RNF13: variants seen among roughly 807,000 people sequenced by gnomAD.
The protein encoded by RNF13 is ring finger protein 13.
RNF13 carries 19 observed loss-of-function variants against 37.7 expected under a neutral mutation model. That is an observed-to-expected ratio of 0.50 (90% CI 0.35 to 0.74). RNF13 has a LOEUF of 0.74. Ranked by LOEUF, RNF13 falls within the 30% of genes least tolerant of loss-of-function variation. The probability of loss-of-function intolerance (pLI) is 0.01; values close to 1 mark genes in which losing one functional copy is unlikely to be tolerated. For missense variants in RNF13, 375 were observed against 453.0 expected (o/e 0.83, Z 1.56); for synonymous variants, 144 against 157.8 (o/e 0.91, Z 0.65).
chr3:149,853,306 C>T (rs1480362916), intron 3 of RNF13, among the ~76,000 whole-genome samples: 3 of 152,006 alleles, frequency 2.0e-5, no homozygotes, highest in East Asian at 1.9e-4. Context: ...AAGTTTGGAA[C>T]GATTTAGAAT....
intron 3 of RNF13, among the ~76,000 whole-genome samples, chr3:149,852,981 G>T (rs2108391880): frequency 6.6e-6 from 1 of 151,570 alleles, no homozygotes; most frequent in Admixed American, 6.6e-5. Context: ...CATGCTATTT[G>T]GTTACCTGCC....
chr3:149,822,561 A>C (rs1299399077), intron 1 of RNF13: 3 of 152,158 alleles, frequency 2.0e-5, no homozygotes, highest in Non-Finnish European at 4.4e-5. Flanking sequence ...TGGAACACTA[A>C]AGAACTTGAT....
At chr3:149,922,166 G>T (rs1718198108) in intron 8 of RNF13, among the ~76,000 whole-genome samples, 1 of 152,108 alleles carries the variant, frequency 6.6e-6, no homozygotes, top group Non-Finnish European at 1.5e-5. Flanking sequence ...TAGAGACGGG[G>T]TTTCACCATC....
At chr3:149,849,635 G>A (rs1219308590) in intron 2 of RNF13, among the ~76,000 whole-genome samples, 1 of 152,166 alleles carries the variant, frequency 6.6e-6, no homozygotes, top group African/African-American at 2.4e-5. Context: ...GACTGCCTCG[G>A]TTAGAATCCT....
At chr3:149,933,118 C>G (rs1174160249) in intron 8 of RNF13, among the ~76,000 whole-genome samples, 1 of 151,840 alleles carries the variant, frequency 6.6e-6, no homozygotes, top group Non-Finnish European at 1.5e-5. Context: ...ACCAGGGGCC[C>G]TTTTGAGCTG....
intron 1 of RNF13, among the ~76,000 whole-genome samples, chr3:149,820,570 A>G (rs891567981): frequency 6.6e-6 from 1 of 152,162 alleles, no homozygotes; most frequent in African/African-American, 2.4e-5. Flanking sequence ...TACTCTTTTG[A>G]CCCTCAAAGA....
At chr3:149,923,777 A>G (rs1209139880) in intron 8 of RNF13, among the ~76,000 whole-genome samples, 3 of 151,828 alleles carry the variant, frequency 2.0e-5, no homozygotes, top group Admixed American at 6.6e-5. Context: ...AAAAAAAAAA[A>G]AAAAAAGAAA....
At chr3:149,906,066 T>G (rs1386389841) in intron 6 of RNF13, among the ~76,000 whole-genome samples, 1 of 152,236 alleles carries the variant, frequency 6.6e-6, no homozygotes, top group Non-Finnish European at 1.5e-5. Context: ...CTATTCTGGT[T>G]ATTTCACATG....
intron 4 of RNF13, among the ~76,000 whole-genome samples, chr3:149,881,178 T>C (rs572460699): frequency 6.6e-6 from 1 of 152,316 alleles, no homozygotes; most frequent in Non-Finnish European, 1.5e-5. Flanking sequence ...GCAGGGACAC[T>C]AAGAAGTATG....
At chr3:149,872,606 T>G (rs1042647796) in intron 4 of RNF13, among the ~76,000 whole-genome samples, 8 of 152,238 alleles carry the variant, frequency 5.3e-5, no homozygotes, top group African/African-American at 1.9e-4. Flanking sequence ...ATATCACCAG[T>G]GCTGCTCTAG....
intron 3 of RNF13, among the ~76,000 whole-genome samples, chr3:149,857,208 T>G (rs1723746239): frequency 6.6e-6 from 1 of 152,230 alleles, no homozygotes; most frequent in African/African-American, 2.4e-5. Context: ...TCAGTTGAAA[T>G]TCTGTTTACA....
intron 8 of RNF13, among the ~76,000 whole-genome samples, chr3:149,949,274 G>T (rs1003689586): frequency 6.6e-6 from 1 of 152,036 alleles, no homozygotes; most frequent in Non-Finnish European, 1.5e-5. Context: ...CTTAATTTCT[G>T]TTTTTGTTTG....
chr3:149,925,720 A>C (rs1194570609), intron 8 of RNF13, among the ~76,000 whole-genome samples: 1 of 152,142 alleles, frequency 6.6e-6, no homozygotes, highest in Non-Finnish European at 1.5e-5. Context: ...TCTTTAGCAT[A>C]TATACCTAGA....
At chr3:149,880,343 C>T (rs983790104) in intron 4 of RNF13, among the ~76,000 whole-genome samples, 16 of 152,056 alleles carry the variant, frequency 1.1e-4, no homozygotes, top group Admixed American at 1.0e-3. Context: ...AAAATATGAA[C>T]TTAGATCAGA....
intron 7 of RNF13, chr3:149,917,272 C>A (rs187238730): frequency 5.3e-5 from 8 of 152,172 alleles, no homozygotes; most frequent in Non-Finnish European, 1.2e-4. Context: ...TGCAATTCTG[C>A]GGCAGAGTGA....
chr3:149,864,414 C>A (rs759548462), intron 3 of RNF13, among the ~76,000 whole-genome samples: 6 of 152,034 alleles, frequency 3.9e-5, no homozygotes, highest in Non-Finnish European at 7.4e-5. Flanking sequence ...GTATAGCCTG[C>A]AGAACTATGA....
chr3:149,852,626 C>CTTT, intron 3 of RNF13, 30 bp downstream of exon 3: 1 of 1,022,544 alleles, frequency 9.8e-7, no homozygotes, highest in Non-Finnish European at 1.4e-6. Flanking sequence ...ATTGTAAAGA[C>CTTT]ACAAGGTATT....
chr3:149,814,152 C>T (rs918532798), intron 1 of RNF13: 4 of 152,160 alleles, frequency 2.6e-5, no homozygotes, highest in Non-Finnish European at 5.9e-5. Flanking sequence ...CCAAACCTGC[C>T]CGGCTATTAC....
At chr3:149,845,146 T>A (rs755976868) in intron 1 of RNF13, among the ~76,000 whole-genome samples, 4 of 152,234 alleles carry the variant, frequency 2.6e-5, no homozygotes, top group Non-Finnish European at 5.9e-5. Flanking sequence ...ATTCAGAGTT[T>A]GAGTCTATAT....
Sources: allele counts gnomAD v4.1 joint callset (sites outside exome capture counted in the v4.1 genomes callset), GRCh38; gene constraint gnomAD v4.1.1; transcripts MANE v1.5; gene names NCBI Gene and HGNC (gene_info 2026-07-23, HGNC 2026-07-21).